The following HYDIN variants were observed in gnomAD, a reference collection of about 807,000 sequenced individuals.
HYDIN encodes the protein HYDIN axonemal central pair apparatus protein, also known as axonemal central pair apparatus protein HYDIN.
A neutral mutation model predicts 403.9 loss-of-function variants in HYDIN; 132 were observed. The observed-to-expected ratio is 0.33, with a 90% CI of 0.28 to 0.38. The LOEUF (loss-of-function observed/expected upper bound fraction) is 0.38. HYDIN is among the 10% of genes least tolerant of loss of function. HYDIN has a pLI of 1.00. For synonymous variants in HYDIN, 1,202 were observed against 1,891.7 expected (o/e 0.64, Z 9.46); for missense variants, 2,827 against 5,009.5 (o/e 0.56, Z 13.15).
chr16:70,857,821 CATG>C lies in HYDIN; in HGVS notation c.12176_12178del (p.Ser4059del). 6.2e-7 allele frequency: 1 copy of C among 1,611,122 alleles called. No homozygotes were observed. Among genetic ancestry groups the C allele is most frequent in the Non-Finnish European group, 8.5e-7 (1 of 1,178,950 alleles). ...GTTGTGCTCGGGAATTAGGAAGGTCCATGATGACTCAGTGATGCCCAGATGGAA... is the reference window on the plus strand; with the variant it reads ...GTTGTGCTCGGGAATTAGGAAGGTCCATGACTCAGTGATGCCCAGATGGAA... On this transcript the variant is annotated inframe_deletion, in exon 72 of 86. Coordinates refer to ENST00000393567, the MANE Select transcript of HYDIN (RefSeq NM_001270974.2).
In HYDIN at chr16:70,850,526, C is replaced by T. The variant is rs1472855956; in HGVS notation, c.12573G>A (p.Val4191=). The T allele has an allele frequency of 2.2e-5, 35 of 1,609,174 alleles. No homozygotes were observed. Among genetic ancestry groups the T allele is most frequent in the Non-Finnish European group, 3.0e-5 (35 of 1,177,696 alleles). The change falls in exon 74 of 86, where the codon GTG becomes GTA. Residue 4191 remains valine, a synonymous_variant. Coordinates refer to ENST00000393567, the MANE Select transcript of HYDIN (RefSeq NM_001270974.2). ...CTGTCCTGTCCTTGCACTTGATCTCCACATTCATAGTGTAGCCCTCGGCCT... is the reference window on the plus strand; with the variant it reads ...CTGTCCTGTCCTTGCACTTGATCTCTACATTCATAGTGTAGCCCTCGGCCT... The part of the protein sequence containing the change: ...NVKAEGYTMN[V]EIKCKDRTGS...
At chr16:70,978,243 A>G (rs1281989180) in intron 30 of HYDIN, among the ~76,000 whole-genome samples, 1 of 150,932 alleles carries the variant, frequency 6.6e-6, no homozygotes, top group Non-Finnish European at 1.5e-5. Flanking sequence ...CCCATATCCA[A>G]TCAATCCCTA....
chr16:70,974,337 G>C (rs1396203083), intron 32 of HYDIN, 37 bp from the exon 33 acceptor site: 1 of 1,495,768 alleles, frequency 6.7e-7, no homozygotes. Context: ...TCATGGAAAA[G>C]AGAAACAGCA....
Position 71,034,291 on chromosome 16 carries a change from C to T in HYDIN, c.2530-2374G>A, listed in dbSNP as rs533957270. On this transcript the variant is annotated intron_variant, in intron 18 of 85. Coordinates refer to ENST00000393567, the MANE Select transcript of HYDIN (RefSeq NM_001270974.2). ...GAGAAATGTAAAAACACATGTAGCT[C>T]TATGGGGGCTCAGGTACAATGGACT... Among the ~76,000 whole-genome samples the T allele has an allele frequency of 1.8e-4, 28 of 151,878 alleles. No homozygotes were observed. The East Asian group carries it at 5.2e-3, about 28-fold the overall frequency.
chr16:71,199,020 T>C (rs1410889379), intron 1 of HYDIN, among the ~76,000 whole-genome samples: 1 of 152,206 alleles, frequency 6.6e-6, no homozygotes, highest in African/African-American at 2.4e-5. Flanking sequence ...ATTTTAGCTA[T>C]CTGGTGGATG....
chr16:71,041,568 T>C (rs1347881688), intron 18 of HYDIN, among the ~76,000 whole-genome samples: 2 of 152,112 alleles, frequency 1.3e-5, no homozygotes, highest in Admixed American at 1.3e-4. Flanking sequence ...TAATAATTCA[T>C]ATTAAGTGAC....
intron 41 of HYDIN, among the ~76,000 whole-genome samples, chr16:70,944,232 T>A (rs1362107958): frequency 6.6e-6 from 1 of 152,246 alleles, no homozygotes. Flanking sequence ...GCACCAGGCA[T>A]GCTTAGGTAC....
chr16:71,137,986 A>C (rs1287426758), intron 7 of HYDIN, among the ~76,000 whole-genome samples: 3 of 151,980 alleles, frequency 2.0e-5, no homozygotes, highest in Non-Finnish European at 4.4e-5. Context: ...CATAAAAAGA[A>C]GACAAAAATT....
chr16:71,079,219 GT>G (rs1475781255), intron 13 of HYDIN, among the ~76,000 whole-genome samples: 1 of 152,156 alleles, frequency 6.6e-6, no homozygotes, highest in African/African-American at 2.4e-5. Flanking sequence ...AAGGACAGAT[GT>G]TTTTCTTCAG....
At chr16:70,831,465 T>C (rs1422436415) in intron 80 of HYDIN, among the ~76,000 whole-genome samples, 1 of 130,994 alleles carries the variant, frequency 7.6e-6, no homozygotes, top group African/African-American at 3.0e-5. Context: ...GCCGAGATCA[T>C]GCCACTGCAC....
intron 83 of HYDIN, among the ~76,000 whole-genome samples, chr16:70,822,408 G>C (rs1021148996): frequency 6.6e-6 from 1 of 151,876 alleles, no homozygotes; most frequent in African/African-American, 2.4e-5. Context: ...TTATGGATGA[G>C]CAAAGGAAGT....
chr16:71,175,069 C>A (rs1303138803), intron 5 of HYDIN, among the ~76,000 whole-genome samples: 2 of 150,796 alleles, frequency 1.3e-5, no homozygotes, highest in Admixed American at 6.6e-5. Flanking sequence ...ACCATCTACA[C>A]CACCATCACC....
intron 38 of HYDIN, among the ~76,000 whole-genome samples, chr16:70,960,489 G>A (rs1359113287): frequency 7.2e-6 from 1 of 139,818 alleles, no homozygotes; most frequent in Non-Finnish European, 1.5e-5. Context: ...CTAGAGGAAC[G>A]TCTAGAAAAA....
At chr16:70,910,176 T>C (rs933068534) in intron 47 of HYDIN, among the ~76,000 whole-genome samples, 2 of 152,198 alleles carry the variant, frequency 1.3e-5, no homozygotes, top group African/African-American at 4.8e-5. Flanking sequence ...GAGATTTTGG[T>C]GCACCCATCA....
intron 53 of HYDIN, among the ~76,000 whole-genome samples, chr16:70,898,625 T>C (rs1275920692): frequency 2.6e-5 from 4 of 151,958 alleles, no homozygotes; most frequent in Admixed American, 6.6e-5. Flanking sequence ...CAAAGAAGAA[T>C]TGACAGACCT....
At chr16:71,069,541 C>G (rs777455084) in intron 13 of HYDIN, 39 bp from the exon 14 acceptor site, 59 of 1,519,200 alleles carry the variant, frequency 3.9e-5, no homozygotes, top group Non-Finnish European at 5.0e-5. Flanking sequence ...AAAAGCCCCC[C>G]CAACACCTCC....
intron 7 of HYDIN, 138 bp from the exon 8 acceptor site, chr16:71,137,490 T>C (rs1254003761): frequency 5.0e-6 from 3 of 595,622 alleles, no homozygotes; most frequent in African/African-American, 3.7e-5. Context: ...CCCCCATCAG[T>C]TCAGAGATAA....
At chr16:71,057,789 A>T (rs1223008964) in intron 18 of HYDIN, among the ~76,000 whole-genome samples, 1 of 145,506 alleles carries the variant, frequency 6.9e-6, no homozygotes, top group African/African-American at 2.5e-5. Flanking sequence ...GAAGGACATG[A>T]ACAGACACTT....
At chr16:71,002,210 C>T (rs1002369175) in intron 23 of HYDIN, among the ~76,000 whole-genome samples, 26 of 152,124 alleles carry the variant, frequency 1.7e-4, no homozygotes, top group South Asian at 2.1e-4. Context: ...ATAGAGATTA[C>T]GGATAGTTTC....
Sources: gnomAD v4.1 joint callset for allele counts (sites outside exome capture counted in the v4.1 genomes callset) on GRCh38, gnomAD v4.1.1 for gene constraint, MANE v1.5 for transcripts, NCBI Gene and HGNC (gene_info 2026-07-23, HGNC 2026-07-21) for gene names.